SYT16: variants seen among roughly 807,000 people sequenced by gnomAD.
SYT16 encodes the protein synaptotagmin-16.
In SYT16, 42 loss-of-function variants were observed where a neutral mutation model predicts 61.4. The ratio of observed to expected loss-of-function variants is 0.68; its 90% CI spans 0.53 to 0.89. The LOEUF (loss-of-function observed/expected upper bound fraction) is 0.89. Among genes scored for constraint, SYT16 ranks in the 40% least tolerant of loss-of-function variants. SYT16 has a pLI of 0.00. For missense variants in SYT16, 804 were observed against 807.3 expected (o/e 1.00, Z 0.05); for synonymous variants, 314 against 302.3 (o/e 1.04, Z -0.40).
chr14:61,899,557 G>T (rs1217245863), intron 1 of SYT16, among the ~76,000 whole-genome samples: 1 of 152,304 alleles, frequency 6.6e-6, no homozygotes, highest in South Asian at 2.1e-4. Context: ...GCATCAGTAA[G>T]GGGAAGAATG....
chr14:62,072,613 C>G (rs943228655), intron 4 of SYT16, among the ~76,000 whole-genome samples: 1 of 152,188 alleles, frequency 6.6e-6, no homozygotes, highest in Non-Finnish European at 1.5e-5. Context: ...GTAGGATAAT[C>G]TCCTTTGCTT....
At chr14:62,088,281 A>AT (rs1384791305) in intron 7 of SYT16, among the ~76,000 whole-genome samples, 1 of 152,226 alleles carries the variant, frequency 6.6e-6, no homozygotes, top group Non-Finnish European at 1.5e-5. Flanking sequence ...AAGTAATAAA[A>AT]TTAAATGTAG....
intron 1 of SYT16, among the ~76,000 whole-genome samples, chr14:61,852,224 GT>G (rs2046639290): frequency 1.3e-5 from 2 of 152,196 alleles, no homozygotes; most frequent in South Asian, 4.1e-4. Flanking sequence ...AGATCAGATG[GT>G]TGTAGGTGTG....
intron 3 of SYT16, among the ~76,000 whole-genome samples, chr14:62,037,247 T>C (rs1339835944): frequency 1.3e-5 from 2 of 152,126 alleles, no homozygotes; most frequent in African/African-American, 4.8e-5. Context: ...CACAAGGTCT[T>C]GTAGTTTTTT....
intron 1 of SYT16, among the ~76,000 whole-genome samples, chr14:61,834,136 A>G (rs1383363984): frequency 6.6e-6 from 1 of 151,766 alleles, no homozygotes; most frequent in African/African-American, 2.4e-5. Context: ...CCTGATTCAC[A>G]TTTATTTTTT....
intron 1 of SYT16, among the ~76,000 whole-genome samples, chr14:61,824,040 A>T (rs753858693): frequency 6.6e-6 from 1 of 152,184 alleles, no homozygotes; most frequent in Non-Finnish European, 1.5e-5. Context: ...TTTTTATTTT[A>T]TTGGAGAAAA....
chr14:61,918,503 T>C (rs1165145616), intron 1 of SYT16, among the ~76,000 whole-genome samples: 1 of 152,124 alleles, frequency 6.6e-6, no homozygotes, highest in African/African-American at 2.4e-5. Flanking sequence ...AGGGAATAAA[T>C]GATGGTATAT....
At chr14:62,076,622 C>T (rs1374881162) in intron 5 of SYT16, among the ~76,000 whole-genome samples, 1 of 152,154 alleles carries the variant, frequency 6.6e-6, no homozygotes, top group Admixed American at 6.5e-5. Flanking sequence ...TGTTAAAAAG[C>T]AGCCCTTCAT....
chr14:61,973,954 T>G (rs918067145), intron 2 of SYT16, among the ~76,000 whole-genome samples: 4 of 151,890 alleles, frequency 2.6e-5, no homozygotes, highest in Non-Finnish European at 4.4e-5. Context: ...GATAAGAAGG[T>G]TGGAATTCAA....
intron 3 of SYT16, among the ~76,000 whole-genome samples, chr14:62,015,142 A>T (rs553393816): frequency 6.6e-6 from 1 of 152,114 alleles, no homozygotes. Flanking sequence ...AGCATGTTAC[A>T]TTTCTCAATA....
At position 61,901,918 on chromosome 14, in the gene SYT16, C is replaced by T. The variant is rs967823060; in HGVS notation, c.-324-68214C>T. ...CTGGGATTACAGGCACACTCCACCA[C>T]TCCCAGCTAATTTTTATATTTTTAG... On this transcript the variant is annotated intron_variant, in intron 1 of 7. Coordinates refer to ENST00000683842, the MANE Select transcript of SYT16 (RefSeq NM_001367656.1). 2.8e-4 allele frequency among the ~76,000 whole-genome samples: 43 copies of T among 152,114 alleles called. No homozygotes were observed. The Middle Eastern group carries it at 0.01, about 37-fold the overall frequency.
At chr14:62,044,297 A>C (rs1023932122) in intron 3 of SYT16, among the ~76,000 whole-genome samples, 1 of 152,118 alleles carries the variant, frequency 6.6e-6, no homozygotes, top group African/African-American at 2.4e-5. Context: ...TCTTCTTTTA[A>C]TTTTACTTTA....
chr14:62,052,557 C>T (rs997171090), intron 3 of SYT16, among the ~76,000 whole-genome samples: 1 of 152,170 alleles, frequency 6.6e-6, no homozygotes, highest in Non-Finnish European at 1.5e-5. Context: ...AGTTGAATCC[C>T]TCTAATGTAT....
rs549186576 is a variant in SYT16 at position 62,072,070 on chromosome 14, G to A, written c.736+2255G>A. Reference sequence around the variant, plus strand: ...TTGGTCTAAGTGGTCTGGATTGGAGGCCTGTATGCAAGGTCTTTAGACGTG... The same window carrying A: ...TTGGTCTAAGTGGTCTGGATTGGAGACCTGTATGCAAGGTCTTTAGACGTG... On this transcript the variant is annotated intron_variant, in intron 4 of 7. Coordinates refer to ENST00000683842, the MANE Select transcript of SYT16 (RefSeq NM_001367656.1). 1.1e-4 allele frequency among the ~76,000 whole-genome samples: 16 copies of A among 152,320 alleles called. No individual in the cohort carries two copies. In the South Asian group the frequency reaches 3.3e-3, roughly 32 times the overall value.
chr14:61,965,590 G>A (rs1331880544), intron 1 of SYT16, among the ~76,000 whole-genome samples: 1 of 152,078 alleles, frequency 6.6e-6, no homozygotes, highest in African/African-American at 2.4e-5. Context: ...CTCTGACTCA[G>A]ATATTCAAAG....
intron 2 of SYT16, among the ~76,000 whole-genome samples, chr14:61,977,743 A>G (rs2051879827): frequency 6.6e-6 from 1 of 152,270 alleles, no homozygotes; most frequent in South Asian, 2.1e-4. Context: ...CCACTACTTC[A>G]TAGCTTTGAA....
chr14:62,052,124 T>C (rs1032515653), intron 3 of SYT16, among the ~76,000 whole-genome samples: 12 of 152,368 alleles, frequency 7.9e-5, no homozygotes, highest in Admixed American at 3.9e-4. Flanking sequence ...TGGTTTAAAC[T>C]GTTGGTTGAT....
chr14:61,897,370 G>C (rs1467942870), intron 1 of SYT16: 3 of 152,214 alleles, frequency 2.0e-5, no homozygotes, highest in Non-Finnish European at 4.4e-5. Flanking sequence ...GAGCAAAGCG[G>C]CCTCACAGTG....
At chr14:62,063,682 T>G (rs1015413233) in intron 3 of SYT16, among the ~76,000 whole-genome samples, 1 of 152,180 alleles carries the variant, frequency 6.6e-6, no homozygotes, top group African/African-American at 2.4e-5. Flanking sequence ...AGATGGAATT[T>G]CCTCTGCCCC....
Sources: allele counts gnomAD v4.1 joint callset (sites outside exome capture counted in the v4.1 genomes callset), GRCh38; gene constraint gnomAD v4.1.1; transcripts MANE v1.5; gene names NCBI Gene and HGNC (gene_info 2026-07-23, HGNC 2026-07-21).